The following TNIK variants were observed in gnomAD, a reference collection of about 807,000 sequenced individuals.
The protein encoded by TNIK is TRAF2 and NCK-interacting protein kinase.
A neutral mutation model predicts 191.3 loss-of-function variants in TNIK; 49 were observed. That is an observed-to-expected ratio of 0.26 (90% CI 0.20 to 0.32). The LOEUF is 0.32. Ranked by LOEUF, TNIK falls within the 10% of genes least tolerant of loss-of-function variation. The pLI is 1.00. For synonymous variants in TNIK, 594 were observed against 600.9 expected, an observed-to-expected ratio of 0.99 and a Z score of 0.17; for missense variants, 1,155 against 1,702.3, an observed-to-expected ratio of 0.68 and a Z score of 5.66.
intron 21 of TNIK, among the ~76,000 whole-genome samples, chr3:171,104,510 T>C (rs1310318875): frequency 6.9e-6 from 1 of 145,436 alleles, no homozygotes; most frequent in East Asian, 1.9e-4. Context: ...ATTTTTTGAC[T>C]ACAGAGTAAA....
At chr3:171,129,440 T>G (rs1371601285) in intron 15 of TNIK, among the ~76,000 whole-genome samples, 1 of 152,226 alleles carries the variant, frequency 6.6e-6, no homozygotes, top group Non-Finnish European at 1.5e-5. Flanking sequence ...ATAGGCTTCC[T>G]GTATCACTTT....
intron 2 of TNIK, among the ~76,000 whole-genome samples, chr3:171,367,343 A>G (rs1715867934): frequency 6.6e-6 from 1 of 152,184 alleles, no homozygotes; most frequent in South Asian, 2.1e-4. Context: ...TGGCCTCAGG[A>G]AACACAGGGT....
At chr3:171,385,338 A>T (rs1434971177) in intron 1 of TNIK, among the ~76,000 whole-genome samples, 1 of 152,152 alleles carries the variant, frequency 6.6e-6, no homozygotes. Context: ...AGAAATCAGA[A>T]GGGAGTCTCA....
rs770189582 is a variant in TNIK at position 171,063,877 on chromosome 3, T to G, written c.*4A>C. 1.2e-6 allele frequency: 2 copies of G among 1,613,630 alleles called. No homozygotes were observed. Among genetic ancestry groups the G allele is most frequent in the Non-Finnish European group, 8.5e-7 (1 of 1,179,642 alleles). ...CATGAAGATAAGTGCCAAGTGCTCT[T>G]CTGTTACCAGTTCATCATGGAATTT... On this transcript the variant is annotated 3_prime_UTR_variant, in exon 33 of 33. Coordinates refer to ENST00000436636, the MANE Select transcript of TNIK (RefSeq NM_015028.4).
At chr3:171,409,037 C>T (rs1270637882) in intron 1 of TNIK, among the ~76,000 whole-genome samples, 1 of 151,848 alleles carries the variant, frequency 6.6e-6, no homozygotes, top group Non-Finnish European at 1.5e-5. Context: ...ATAAAAGTGT[C>T]CCTGAGGGGG....
intron 2 of TNIK, among the ~76,000 whole-genome samples, chr3:171,340,184 A>C (rs1432714029): frequency 6.6e-6 from 1 of 152,202 alleles, no homozygotes; most frequent in Non-Finnish European, 1.5e-5. Context: ...ACCATGGGAA[A>C]ATGTATTTTT....
chr3:171,154,030 G>A (rs1436146109), intron 12 of TNIK, among the ~76,000 whole-genome samples: 2 of 152,158 alleles, frequency 1.3e-5, no homozygotes, highest in Non-Finnish European at 2.9e-5. Context: ...CTGAATATTT[G>A]TCAAATGATG....
intron 2 of TNIK, among the ~76,000 whole-genome samples, chr3:171,307,467 A>G (rs1346875263): frequency 6.6e-6 from 1 of 152,132 alleles, no homozygotes; most frequent in African/African-American, 2.4e-5. Context: ...CATTCATTTG[A>G]CTCAGAAGTC....
At chr3:171,162,970 TTTGGAGAAAAAA>T (rs1208835755) in intron 10 of TNIK, among the ~76,000 whole-genome samples, 2 of 152,154 alleles carry the variant, frequency 1.3e-5, no homozygotes, top group Non-Finnish European at 2.9e-5. Context: ...ACTTGAAGTC[TTTGGAGAAAAAA>T]TGAACTGGGC....
Position 171,058,876 on chromosome 3 carries a change from G to C in TNIK, c.*5005C>G, listed in dbSNP as rs557357994. ...AATTTCATTCAAGCTGTAATCTTTT[G>C]TTTCCTGCTGCCACCTAACATTTGA... On this transcript the variant is annotated 3_prime_UTR_variant, in exon 33 of 33. Transcript: ENST00000436636. Among the ~76,000 whole-genome samples the C allele has an allele frequency of 2.0e-5, 3 of 152,258 alleles. No individual in the cohort carries two copies. The South Asian group carries it at 6.2e-4, about 32-fold the overall frequency.
chr3:171,115,406 T>C (rs757910397), intron 18 of TNIK, among the ~76,000 whole-genome samples: 8 of 152,202 alleles, frequency 5.3e-5, no homozygotes, highest in Non-Finnish European at 7.3e-5. Flanking sequence ...AACACAATCA[T>C]GGAGATGAGA....
intron 10 of TNIK, among the ~76,000 whole-genome samples, chr3:171,162,710 C>T (rs929374640): frequency 1.7e-4 from 26 of 152,140 alleles, no homozygotes; most frequent in African/African-American, 6.3e-4. Context: ...TTCATAATAA[C>T]CCTCCAAATT....
chr3:171,238,538 C>T (rs1744579729), intron 2 of TNIK, among the ~76,000 whole-genome samples: 2 of 152,064 alleles, frequency 1.3e-5, no homozygotes, highest in Admixed American at 6.6e-5. Context: ...ATTGTTATGA[C>T]TGCAGCTACT....
At chr3:171,312,113 T>TAAAAAAAA (rs5854415) in intron 2 of TNIK, among the ~76,000 whole-genome samples, 1 of 22,552 alleles carries the variant, frequency 4.4e-5, no homozygotes, top group African/African-American at 1.9e-4. Flanking sequence ...AGCTCCAGAT[T>TAAAAAAAA]AAAAAAAAAA....
intron 22 of TNIK, among the ~76,000 whole-genome samples, chr3:171,097,617 T>C (rs551934138): frequency 6.6e-6 from 1 of 152,328 alleles, no homozygotes; most frequent in South Asian, 2.1e-4. Context: ...CTGCACATGC[T>C]CTCTTGCCTG....
rs556717742 is a variant in TNIK, at chr3:171,072,891, A to G, written c.3449-1568T>C. 1.7e-3 allele frequency among the ~76,000 whole-genome samples: 264 copies of G among 152,118 alleles called. 2 individuals carry two copies. Among genetic ancestry groups the G allele is most frequent in the Non-Finnish European group, 1.9e-3 (132 of 67,998 alleles). On this transcript the variant is annotated intron_variant, in intron 28 of 32. Transcript: ENST00000436636. Reference sequence around the variant, plus strand: ...AAGGTGAAAGACCCCTACAAGGAGAACTACAAAGCACTGATGAAGAAACCA... The same window carrying G: ...AAGGTGAAAGACCCCTACAAGGAGAGCTACAAAGCACTGATGAAGAAACCA...
intron 3 of TNIK, among the ~76,000 whole-genome samples, chr3:171,217,551 C>CA (rs1050686044): frequency 1.0e-3 from 150 of 148,828 alleles, no homozygotes; most frequent in Middle Eastern, 3.4e-3. Flanking sequence ...ATAACAGTTG[C>CA]AAAAAAAAAG....
chr3:171,256,369 A>C (rs1285030183), intron 2 of TNIK, among the ~76,000 whole-genome samples: 1 of 152,224 alleles, frequency 6.6e-6, no homozygotes, highest in Non-Finnish European at 1.5e-5. Flanking sequence ...TAATTAGCTT[A>C]TGTGGTACAG....
intron 1 of TNIK, among the ~76,000 whole-genome samples, chr3:171,431,038 C>T (rs919849454): frequency 1.4e-4 from 21 of 152,098 alleles, no homozygotes; most frequent in Non-Finnish European, 7.4e-5. Flanking sequence ...GAATTACGCA[C>T]TTATTTCATA....
Sources: allele counts gnomAD v4.1 joint callset (sites outside exome capture counted in the v4.1 genomes callset), GRCh38; gene constraint gnomAD v4.1.1; transcripts MANE v1.5; gene names NCBI Gene and HGNC (gene_info 2026-07-23, HGNC 2026-07-21).